SYNPR: variants seen among roughly 807,000 people sequenced by gnomAD.
SYNPR encodes synaptoporin.
Under a neutral mutation model 32.9 loss-of-function variants are expected in SYNPR, and 23 were observed. The ratio of observed to expected loss-of-function variants is 0.70; its 90% CI spans 0.50 to 0.99. The LOEUF is 0.99. Among genes scored for constraint, SYNPR ranks in the 50% least tolerant of loss-of-function variants. SYNPR has a pLI of 0.00. For synonymous variants in SYNPR, 146 were observed against 135.9 expected (o/e 1.07, Z -0.52); for missense variants, 318 against 349.3 (o/e 0.91, Z 0.71).
chr3:63,455,979 C>T (rs568286750), intron 2 of SYNPR, among the ~76,000 whole-genome samples: 133 of 152,146 alleles, frequency 8.7e-4, no homozygotes, highest in Non-Finnish European at 1.6e-3. Context: ...CTATCAGTTC[C>T]ACATGGCTGG....
chr3:63,357,177 A>G (rs940158797), intron 2 of SYNPR, among the ~76,000 whole-genome samples: 2 of 152,110 alleles, frequency 1.3e-5, no homozygotes, highest in Non-Finnish European at 2.9e-5. Flanking sequence ...CCCATTTGCT[A>G]TCCCTGTTCA....
intron 2 of SYNPR, among the ~76,000 whole-genome samples, chr3:63,338,410 CTT>C (rs2087322188): frequency 6.6e-6 from 1 of 152,162 alleles, no homozygotes; most frequent in African/African-American, 2.4e-5. Context: ...TCTCGATCAT[CTT>C]GTCTTCCCCT....
upstream of SYNPR, among the ~76,000 whole-genome samples, chr3:63,276,457 C>A (rs576930715): frequency 1.3e-4 from 20 of 152,150 alleles, no homozygotes; most frequent in Non-Finnish European, 2.4e-4. Flanking sequence ...TCTGCAAAAT[C>A]TCATTGGGTT....
intron 2 of SYNPR, among the ~76,000 whole-genome samples, chr3:63,372,215 C>T (rs2087821825): frequency 6.6e-6 from 1 of 152,024 alleles, no homozygotes; most frequent in African/African-American, 2.4e-5. Flanking sequence ...TCCAGCATGA[C>T]ACAGTCACCA....
intron 2 of SYNPR, among the ~76,000 whole-genome samples, chr3:63,377,602 A>C (rs1384045497): frequency 6.6e-6 from 1 of 151,418 alleles, no homozygotes; most frequent in Non-Finnish European, 1.5e-5. Flanking sequence ...GCAAGGATGG[A>C]ACAATCCAAG....
chr3:63,360,371 G>T (rs1279155618), intron 2 of SYNPR, among the ~76,000 whole-genome samples: 1 of 152,152 alleles, frequency 6.6e-6, no homozygotes, highest in African/African-American at 2.4e-5. Flanking sequence ...GGACCATTGT[G>T]ATGACTTATT....
intron 3 of SYNPR, among the ~76,000 whole-genome samples, chr3:63,550,889 T>G (rs557022614): frequency 2.0e-5 from 3 of 152,334 alleles, no homozygotes; most frequent in Admixed American, 2.0e-4. Context: ...CAGCTACTTT[T>G]CCACCCCATC....
intron 2 of SYNPR, among the ~76,000 whole-genome samples, chr3:63,401,304 C>G (rs963133925): frequency 2.2e-4 from 34 of 151,996 alleles, no homozygotes; most frequent in African/African-American, 7.5e-4. Context: ...TCAGGCCATC[C>G]ACGAATCAAA....
At chr3:63,515,187 CT>C (rs1433930230) in intron 3 of SYNPR, among the ~76,000 whole-genome samples, 1 of 151,972 alleles carries the variant, frequency 6.6e-6, no homozygotes, top group Non-Finnish European at 1.5e-5. Flanking sequence ...ATGCTTTTTG[CT>C]TTCAGCCTTC....
intron 4 of SYNPR, among the ~76,000 whole-genome samples, chr3:63,591,161 C>T (rs1703294174): frequency 6.7e-6 from 1 of 150,170 alleles, no homozygotes; most frequent in South Asian, 2.2e-4. Flanking sequence ...TGAACAGACA[C>T]TTCTCTAAAG....
chr3:63,429,831 G>C (rs150654033), intron 2 of SYNPR, among the ~76,000 whole-genome samples: 3 of 152,134 alleles, frequency 2.0e-5, no homozygotes. Flanking sequence ...GCTCTCTCTT[G>C]TTCCCATGGG....
chr3:63,278,793 G>A (rs1168460412), intron 2 of SYNPR, 51 bp downstream of exon 2: 1 of 1,539,208 alleles, frequency 6.5e-7, no homozygotes, highest in African/African-American at 1.4e-5. Flanking sequence ...CAGCTATCAG[G>A]TGAGGAGAGG....
intron 2 of SYNPR, among the ~76,000 whole-genome samples, chr3:63,410,376 A>G (rs1373252883): frequency 6.6e-6 from 1 of 152,178 alleles, no homozygotes; most frequent in African/African-American, 2.4e-5. Flanking sequence ...GAAATTTCAT[A>G]GAGTTTACAA....
intron 2 of SYNPR, among the ~76,000 whole-genome samples, chr3:63,295,807 T>A (rs17310687): frequency 6.6e-6 from 1 of 152,204 alleles, no homozygotes; most frequent in Non-Finnish European, 1.5e-5. Context: ...TGAGATTAGA[T>A]GTTTCCCACA....
At chr3:63,334,607 T>C (rs4688395) in intron 2 of SYNPR, among the ~76,000 whole-genome samples, 32,400 of 151,334 alleles carry the variant, frequency 0.21, 4,022 homozygotes, top group South Asian at 0.39. Flanking sequence ...ACTTCACTAG[T>C]CACAAGCACT....
chr3:63,221,650 C>T, the SYNPR span, among the ~76,000 whole-genome samples: 1,291 of 152,188 alleles, frequency 8.5e-3, 17 homozygotes, highest in East Asian at 0.051. Context: ...AATATTTCAG[C>T]GCTGTGCCTG....
At chr3:63,381,427 T>C (rs951753727) in intron 2 of SYNPR, among the ~76,000 whole-genome samples, 1 of 152,166 alleles carries the variant, frequency 6.6e-6, no homozygotes, top group African/African-American at 2.4e-5. Flanking sequence ...TGGAAGAACA[T>C]TCCATGCTCA....
intron 2 of SYNPR, among the ~76,000 whole-genome samples, chr3:63,476,013 C>T (rs755782835): frequency 3.5e-5 from 5 of 144,214 alleles, no homozygotes; most frequent in African/African-American, 5.2e-5. Context: ...CCCCACCAAG[C>T]GTAAAAAGTG....
the SYNPR span, among the ~76,000 whole-genome samples, chr3:63,219,516 C>A: frequency 6.6e-6 from 1 of 152,098 alleles, no homozygotes; most frequent in Non-Finnish European, 1.5e-5. Context: ...GGAGTGCTAA[C>A]CTCCCACACC....
Sources: gnomAD v4.1 joint callset for allele counts (sites outside exome capture counted in the v4.1 genomes callset) on GRCh38, gnomAD v4.1.1 for gene constraint, MANE v1.5 for transcripts, NCBI Gene and HGNC (gene_info 2026-07-23, HGNC 2026-07-21) for gene names.